SIRT1: variants seen among roughly 807,000 people sequenced by gnomAD.
The protein encoded by SIRT1 is NAD-dependent protein deacetylase sirtuin-1.
A neutral mutation model predicts 67.9 loss-of-function variants in SIRT1; 24 were observed. That is an observed-to-expected ratio of 0.35 (90% CI 0.26 to 0.50). The LOEUF (loss-of-function observed/expected upper bound fraction) is 0.50, where lower values mean the gene tolerates loss of function less well. Among genes scored for constraint, SIRT1 ranks in the 20% least tolerant of loss-of-function variants. The pLI is 0.98. For synonymous variants in SIRT1, 378 were observed against 350.7 expected (o/e 1.08, Z -0.87); for missense variants, 873 against 937.2 (o/e 0.93, Z 0.89).
chr10:67,891,586 C>T, intron 4 of SIRT1, 32 bp downstream of exon 4: 1 of 1,606,546 alleles, frequency 6.2e-7, no homozygotes, highest in Non-Finnish European at 8.5e-7. Context: ...GTTTCTTTGG[C>T]CTTCTCTCAT....
chr10:67,904,010 G>T (rs74521200), intron 4 of SIRT1, among the ~76,000 whole-genome samples: 2 of 151,890 alleles, frequency 1.3e-5, no homozygotes, highest in African/African-American at 4.8e-5. Flanking sequence ...TCTGTAAGTT[G>T]TATCTCCAGT....
chr10:67,886,110 T>G (rs1018955162), intron 1 of SIRT1, among the ~76,000 whole-genome samples: 1 of 151,822 alleles, frequency 6.6e-6, no homozygotes, highest in Admixed American at 6.6e-5. Flanking sequence ...GCCCAGCTAA[T>G]TTTTGTGTTT....
intron 4 of SIRT1, among the ~76,000 whole-genome samples, chr10:67,896,786 A>T (rs1179291238): frequency 6.6e-6 from 1 of 150,976 alleles, no homozygotes; most frequent in African/African-American, 2.4e-5. Flanking sequence ...AAAAAAAAAA[A>T]ATTCGCTGGT....
intron 2 of SIRT1, among the ~76,000 whole-genome samples, chr10:67,887,765 G>A (rs1186501108): frequency 4.6e-5 from 7 of 152,092 alleles, no homozygotes; most frequent in Non-Finnish European, 7.4e-5. Context: ...TAGTAGAGAC[G>A]GGGTTTCTCC....
intron 3 of SIRT1, 148 bp downstream of exon 3, chr10:67,889,271 C>T (rs908606468): frequency 7.0e-6 from 6 of 856,744 alleles, no homozygotes; most frequent in Non-Finnish European, 6.9e-6. Flanking sequence ...GCAGCAGTTG[C>T]TAAATTAGTT....
At chr10:67,889,584 G>T (rs1284450205) in intron 3 of SIRT1, among the ~76,000 whole-genome samples, 1 of 152,112 alleles carries the variant, frequency 6.6e-6, no homozygotes, top group Non-Finnish European at 1.5e-5. Context: ...TGTGATTGTG[G>T]CGACTTGACA....
Position 67,916,567 on chromosome 10 carries a change from A to T in SIRT1, c.2218A>T (p.Met740Leu). 1 of 1,612,542 alleles carries T rather than the reference A, an allele frequency of 6.2e-7. No homozygotes were observed. The highest frequency in any genetic ancestry group is 8.5e-7 in the Non-Finnish European group (1 of 1,178,770). ...ATCTGTGAAACAGGAAGTAACAGAC[A>T]TGAACTATCCATCAAACAAATCATA... ...AISVKQEVTD[M>L]NYPSNKS The change falls in exon 9 of 9, where the codon ATG (methionine) becomes TTG (leucine). Residue 740 changes from methionine to leucine, a missense_variant. Around this residue, in one of 3 missense-constraint regions of SIRT1, gnomAD observed 295 missense variants for 294.5 expected, o/e 1.00. Coordinates refer to ENST00000212015, the MANE Select transcript of SIRT1 (RefSeq NM_012238.5).
chr10:67,913,102 C>A (rs552134738), intron 8 of SIRT1, 71 bp downstream of exon 8: 2 of 1,474,064 alleles, frequency 1.4e-6, no homozygotes, highest in African/African-American at 1.4e-5. Flanking sequence ...TTAGCTATTT[C>A]GGCAGGTTAA....
chr10:67,885,449 A>C (rs779378998), intron 1 of SIRT1: 2 of 1,163,450 alleles, frequency 1.7e-6, no homozygotes, highest in Non-Finnish European at 1.1e-6. Flanking sequence ...TCCCCCTCTT[A>C]CTCTTTTAGC....
intron 3 of SIRT1, among the ~76,000 whole-genome samples, chr10:67,890,701 C>T (rs931708983): frequency 2.0e-5 from 3 of 151,888 alleles, no homozygotes; most frequent in Admixed American, 6.6e-5. Flanking sequence ...CCACTGCACT[C>T]CAGCCTGGGC....
intron 8 of SIRT1, 40 bp downstream of exon 8, chr10:67,913,071 C>A: frequency 6.5e-7 from 1 of 1,543,822 alleles, no homozygotes; most frequent in Non-Finnish European, 8.7e-7. Flanking sequence ...GTATAAATGT[C>A]ATAACAGTAT....
At position 67,884,740 on chromosome 10, in the gene SIRT1, C is replaced by G; in HGVS notation, c.19C>G (p.Leu7Val). MADEAA[L>V]ALQPGGSPSA... ...TTGGAAGATGGCGGACGAGGCGGCC[C>G]TCGCCCTTCAGCCCGGCGGCTCCCC... is the stretch of plus-strand genomic sequence containing the variant. The change falls in exon 1 of 9, where the codon CTC (leucine) becomes GTC (valine). Residue 7 changes from leucine to valine, a missense_variant. Physicochemically the swap from Leu to Val is conservative, Grantham distance 32. This residue lies in a region of SIRT1 where 327 missense variants were observed against 283.9 expected (regional missense o/e 1.15). Coordinates refer to ENST00000212015, the MANE Select transcript of SIRT1 (RefSeq NM_012238.5). 3.3e-6 allele frequency: 4 copies of G among 1,229,136 alleles called. No individual in the cohort carries two copies. The highest frequency in any genetic ancestry group is 4.1e-6 in the Non-Finnish European group (4 of 986,270). 76.1% of individuals were successfully genotyped at this position (1,229,136 alleles called of 1,614,324 possible). A position where few individuals can be genotyped will look rare whatever the true frequency, so the allele number is the denominator to read the frequency against.
In SIRT1 at chr10:67,891,385, T is replaced by C; in HGVS notation, c.790-17T>C. The C allele has an allele frequency of 1.9e-6, 3 of 1,611,928 alleles. No individual in the cohort carries two copies. The highest frequency in any genetic ancestry group is 2.5e-6 in the Non-Finnish European group (3 of 1,178,636). On this transcript the variant is annotated splice_polypyrimidine_tract_variant and intron_variant, in intron 3 of 8. Transcript: ENST00000212015. ...GTAGAAGATTTAATTTTACAAATTA[T>C]GCCATGCACATTTTAGGTGTCTGTT...
At chr10:67,910,759 T>A (rs1241446065) in intron 7 of SIRT1, among the ~76,000 whole-genome samples, 3 of 152,212 alleles carry the variant, frequency 2.0e-5, no homozygotes, top group African/African-American at 7.2e-5. Context: ...AAAATTTAAA[T>A]CCTTATTACT....
intron 1 of SIRT1, among the ~76,000 whole-genome samples, chr10:67,885,550 C>T (rs1169934843): frequency 6.6e-6 from 1 of 151,916 alleles, no homozygotes. Flanking sequence ...CTTAAGTCTG[C>T]AACTTTTTGG....
At chr10:67,887,329 C>A in intron 1 of SIRT1, 88 bp from the exon 2 acceptor site, 1 of 812,902 alleles carries the variant, frequency 1.2e-6, no homozygotes, top group Non-Finnish European at 2.1e-6. Context: ...AAATGCTGTA[C>A]TCGATGAAAA....
chr10:67,912,485 C>G lies in SIRT1; in HGVS notation c.1369C>G (p.His457Asp). ...TCACCCTATTTTAGGTTCCATACCC[C>G]ATGAAGTGCCTCAGATATTAATTAA... is the stretch of plus-strand genomic sequence containing the variant. ...PVALIPSSIP[H>D]EVPQILINRE... The change falls in exon 8 of 9, where the codon CAT (histidine) becomes GAT (aspartate). Residue 457 changes from histidine (H) to aspartate (D), a missense_variant. This residue lies in a region of SIRT1 where 251 missense variants were observed against 358.8 expected (regional missense o/e 0.70). Transcript: ENST00000212015. The G allele has an allele frequency of 6.2e-7, 1 of 1,608,160 alleles. No individual in the cohort carries two copies. Among genetic ancestry groups the G allele is most frequent in the Non-Finnish European group, 8.5e-7 (1 of 1,178,032 alleles).
intron 4 of SIRT1, among the ~76,000 whole-genome samples, chr10:67,905,219 A>G (rs759413319): frequency 2.0e-5 from 3 of 152,254 alleles, no homozygotes; most frequent in African/African-American, 4.8e-5. Flanking sequence ...GAGACATACA[A>G]TGCTTAATCT....
intron 2 of SIRT1, 101 bp downstream of exon 2, chr10:67,887,634 T>C: frequency 1.4e-6 from 1 of 722,058 alleles, no homozygotes; most frequent in Non-Finnish European, 2.3e-6. Flanking sequence ...TGGAGTGCAA[T>C]GGCGCGATCT....
Sources: gnomAD v4.1 joint callset for allele counts (sites outside exome capture counted in the v4.1 genomes callset) on GRCh38, gnomAD v4.1.1 for gene constraint, gnomAD v4.1.1 regional missense constraint, MANE v1.5 for transcripts, NCBI Gene and HGNC (gene_info 2026-07-23, HGNC 2026-07-21) for gene names.